CHST9: variants seen among roughly 807,000 people sequenced by gnomAD.
CHST9 encodes the protein carbohydrate sulfotransferase 9.
CHST9 carries 41 observed loss-of-function variants against 44.4 expected under a neutral mutation model. The observed-to-expected ratio is 0.92, with a 90% CI of 0.72 to 1.20. The LOEUF (loss-of-function observed/expected upper bound fraction) is 1.20. Ranked by LOEUF, CHST9 falls within the 50% of genes most tolerant of loss-of-function variation. The probability of loss-of-function intolerance (pLI) is 0.00; values close to 1 mark genes in which losing one functional copy is unlikely to be tolerated. For missense variants in CHST9, 504 were observed against 516.5 expected, an observed-to-expected ratio of 0.98 and a Z score of 0.23; for synonymous variants, 171 against 178.4, an observed-to-expected ratio of 0.96 and a Z score of 0.33.
intron 3 of CHST9, among the ~76,000 whole-genome samples, chr18:27,037,492 C>T (rs2057401637): frequency 6.6e-6 from 1 of 152,116 alleles, no homozygotes; most frequent in Admixed American, 6.5e-5. Context: ...GAGTTCAAGA[C>T]CATCCTGGGC....
At chr18:27,137,566 G>T (rs2058526742) in intron 2 of CHST9, among the ~76,000 whole-genome samples, 1 of 152,202 alleles carries the variant, frequency 6.6e-6, no homozygotes, top group Admixed American at 6.5e-5. Context: ...GGCTGAGGAG[G>T]CAGGCAGTGG....
intron 4 of CHST9, among the ~76,000 whole-genome samples, chr18:26,945,864 C>T (rs1403888018): frequency 6.6e-6 from 1 of 152,052 alleles, no homozygotes. Flanking sequence ...AAAAAGATGT[C>T]CCAAGTGAAA....
At chr18:27,129,922 A>C (rs1259518116) in intron 2 of CHST9, among the ~76,000 whole-genome samples, 1 of 152,058 alleles carries the variant, frequency 6.6e-6, no homozygotes, top group African/African-American at 2.4e-5. Context: ...GCTATGTTCA[A>C]ACCAGTTTGG....
At chr18:27,128,644 C>G (rs139202903) in intron 2 of CHST9, among the ~76,000 whole-genome samples, 1 of 152,152 alleles carries the variant, frequency 6.6e-6, no homozygotes, top group Non-Finnish European at 1.5e-5. Context: ...AGAAGATTGG[C>G]CAGTCCATAT....
intron 1 of CHST9, among the ~76,000 whole-genome samples, chr18:27,149,457 G>T (rs1481863082): frequency 1.3e-5 from 2 of 151,998 alleles, no homozygotes; most frequent in Non-Finnish European, 2.9e-5. Flanking sequence ...TGGGCGTTTA[G>T]GTCAATTCCA....
chr18:27,116,806 A>C (rs1236791461), intron 2 of CHST9, among the ~76,000 whole-genome samples: 1 of 152,092 alleles, frequency 6.6e-6, no homozygotes, highest in Admixed American at 6.6e-5. Context: ...TAAGTTTTGC[A>C]ATTGTTTTGT....
chr18:27,099,162 A>G (rs983676438), intron 2 of CHST9, among the ~76,000 whole-genome samples: 7 of 152,116 alleles, frequency 4.6e-5, no homozygotes, highest in African/African-American at 1.4e-4. Flanking sequence ...CTGGATTCCT[A>G]CCTGTCACCA....
At chr18:27,053,298 G>A (rs1167649833) in intron 2 of CHST9, among the ~76,000 whole-genome samples, 8 of 134,406 alleles carry the variant, frequency 6.0e-5, no homozygotes, top group African/African-American at 1.1e-4. Flanking sequence ...GAAGGAGAAG[G>A]AGAAGGAGAA....
intron 4 of CHST9, among the ~76,000 whole-genome samples, chr18:26,949,504 C>T (rs143248824): frequency 3.3e-3 from 496 of 151,434 alleles, no homozygotes; most frequent in Middle Eastern, 3.4e-3. Flanking sequence ...CATAGTGAGA[C>T]CCTGTCTGAA....
chr18:26,943,172 C>G (rs978402470), intron 5 of CHST9, among the ~76,000 whole-genome samples: 9 of 152,140 alleles, frequency 5.9e-5, no homozygotes, highest in Admixed American at 3.3e-4. Context: ...AATGATTTTG[C>G]TATTTCACAA....
At chr18:26,937,308 A>G (rs1046494624) in intron 5 of CHST9, among the ~76,000 whole-genome samples, 1 of 152,180 alleles carries the variant, frequency 6.6e-6, no homozygotes, top group Non-Finnish European at 1.5e-5. Context: ...GCTCATCTTC[A>G]TGGTTAAAAC....
chr18:26,917,611 T>C (rs2055561421), intron 5 of CHST9, among the ~76,000 whole-genome samples: 1 of 152,124 alleles, frequency 6.6e-6, no homozygotes, highest in African/African-American at 2.4e-5. Flanking sequence ...TGTAATGCAA[T>C]AGGATGTAAC....
chr18:26,934,086 C>G (rs2055931578), intron 5 of CHST9, among the ~76,000 whole-genome samples: 1 of 152,038 alleles, frequency 6.6e-6, no homozygotes, highest in African/African-American at 2.4e-5. Context: ...CCTGTGAGTG[C>G]GAACGGCCCA....
At chr18:26,950,458 T>C (rs556213620) in intron 4 of CHST9, among the ~76,000 whole-genome samples, 12 of 152,146 alleles carry the variant, frequency 7.9e-5, no homozygotes, top group Admixed American at 7.9e-4. Context: ...GTTGCAAAAA[T>C]GTAGAACCAA....
At chr18:27,179,921 A>G (rs990410999) in intron 1 of CHST9, among the ~76,000 whole-genome samples, 1 of 152,122 alleles carries the variant, frequency 6.6e-6, no homozygotes, top group Non-Finnish European at 1.5e-5. Context: ...ATCTCTTGAA[A>G]TAGAATTAAC....
At chr18:26,982,588 G>A (rs1225143029) in intron 4 of CHST9, among the ~76,000 whole-genome samples, 1 of 152,108 alleles carries the variant, frequency 6.6e-6, no homozygotes, top group Non-Finnish European at 1.5e-5. Flanking sequence ...ACAGTGAATG[G>A]GATACTGTTG....
At chr18:27,123,674 G>A (rs1001758617) in intron 2 of CHST9, among the ~76,000 whole-genome samples, 1 of 152,184 alleles carries the variant, frequency 6.6e-6, no homozygotes, top group Non-Finnish European at 1.5e-5. Context: ...GCAGTTTGCT[G>A]CAAAGCAGGA....
intron 3 of CHST9, among the ~76,000 whole-genome samples, chr18:27,025,892 T>C (rs1187200194): frequency 6.6e-6 from 1 of 152,202 alleles, no homozygotes; most frequent in African/African-American, 2.4e-5. Context: ...TCTAGCATAT[T>C]ATCATTATTT....
chr18:27,116,436 G>C (rs1435272827), intron 2 of CHST9, among the ~76,000 whole-genome samples: 1 of 152,090 alleles, frequency 6.6e-6, no homozygotes, highest in Non-Finnish European at 1.5e-5. Context: ...TAAATATGAG[G>C]GTTGATTTCT....
Sources: gnomAD v4.1 joint callset for allele counts (sites outside exome capture counted in the v4.1 genomes callset) on GRCh38, gnomAD v4.1.1 for gene constraint, MANE v1.5 for transcripts, NCBI Gene and HGNC (gene_info 2026-07-23, HGNC 2026-07-21) for gene names.